Variants in NEBL observed in about 807,000 individuals in gnomAD.
The protein encoded by NEBL is LIM and SH3 protein 2.
A neutral mutation model predicts 140.2 loss-of-function variants in NEBL; 122 were observed. The ratio of observed to expected loss-of-function variants is 0.87; its 90% CI spans 0.75 to 1.01. The LOEUF is 1.01. NEBL is among the 50% of genes least tolerant of loss of function. The probability of loss-of-function intolerance (pLI) is 0.00; values close to 1 mark genes in which losing one functional copy is unlikely to be tolerated. For synonymous variants in NEBL, 436 were observed against 398.9 expected (o/e 1.09, Z -1.11); for missense variants, 1,365 against 1,231.3 (o/e 1.11, Z -1.62).
At chr10:21,244,618 C>G (rs1369653371) in intron 3 of NEBL, among the ~76,000 whole-genome samples, 4 of 151,750 alleles carry the variant, frequency 2.6e-5, no homozygotes, top group African/African-American at 9.7e-5. Context: ...CACCACTGCA[C>G]TCCAGCCTGG....
In NEBL at chr10:21,076,444, CAAAAAAAAAAAAAAAAA is replaced by C. The variant is rs56013237; in HGVS notation, c.165-56260_165-56244del. 1.1e-3 allele frequency among the ~76,000 whole-genome samples: 55 copies of C among 50,070 alleles called. No homozygotes were observed. The East Asian group carries it at 0.026, about 24-fold the overall frequency. The allele number at this position is 50,070 out of a possible 152,430, so 32.8% of individuals were successfully genotyped here. A position where few individuals can be genotyped will look rare whatever the true frequency, so the allele number is the denominator to read the frequency against. On this transcript the variant is annotated intron_variant, in intron 2 of 6. Coordinates refer to the NEBL transcript ENST00000417816. ...TGGGCAACAGAGAGAGACTCAGTTTCAAAAAAAAAAAAAAAAAAAAAAAAAAAAAAGAATTACCACAC... is the reference window on the plus strand; with the variant it reads ...TGGGCAACAGAGAGAGACTCAGTTTCAAAAAAAAAAAAAGAATTACCACAC...
chr10:21,227,722 T>TCTTCTTCTTCTTCTTC, intron 3 of NEBL, among the ~76,000 whole-genome samples: 1 of 103,666 alleles, frequency 9.6e-6, no homozygotes, highest in Admixed American at 9.2e-5. Flanking sequence ...TTCTTCTTCT[T>TCTTCTTCTTCTTCTTC]CTTCTTCTTC....
intron 2 of NEBL, among the ~76,000 whole-genome samples, chr10:21,160,910 G>C (rs1217399838): frequency 6.6e-6 from 1 of 151,198 alleles, no homozygotes; most frequent in Non-Finnish European, 1.5e-5. Context: ...TATATGGTCT[G>C]ATGTCTCAAA....
At chr10:21,189,558 G>A (rs540909457) in intron 3 of NEBL, among the ~76,000 whole-genome samples, 27 of 152,150 alleles carry the variant, frequency 1.8e-4, no homozygotes, top group East Asian at 1.7e-3. Context: ...TCTGCCTCCC[G>A]GGTTCCCGCC....
rs184515083 is a variant in NEBL, at chr10:21,129,601, T to C, written c.164+42782A>G. The stretch of plus-strand genomic sequence containing the variant: ...GACAAAAAGGAATGAGAGGGAGGAA[T>C]TAGAAGAATTAGAATTATTTTATTA... On this transcript the variant is annotated intron_variant, in intron 2 of 6. Transcript: ENST00000417816. Among the ~76,000 whole-genome samples the C allele has an allele frequency of 2.0e-5, 3 of 152,064 alleles. No homozygotes were observed. The East Asian group carries it at 5.8e-4, about 29-fold the overall frequency.
At chr10:20,785,980 T>A (rs1835374435) in intron 27 of NEBL, 57 bp from the exon 28 acceptor site, 1 of 1,533,716 alleles carries the variant, frequency 6.5e-7, no homozygotes. Context: ...AGCCACAAAT[T>A]CCAATCACAA....
At chr10:20,870,371 G>T (rs1302794411) in intron 5 of NEBL, among the ~76,000 whole-genome samples, 3 of 138,486 alleles carry the variant, frequency 2.2e-5, no homozygotes, top group Non-Finnish European at 4.7e-5. Flanking sequence ...TGCTACCTAA[G>T]AAATAAGACT....
chr10:21,263,409 G>A (rs894400379), intron 1 of NEBL, among the ~76,000 whole-genome samples: 14 of 152,056 alleles, frequency 9.2e-5, no homozygotes, highest in Admixed American at 2.0e-4. Context: ...GGGGCGGGGG[G>A]TTGAGATCAA....
chr10:21,147,257 T>A (rs551085170), intron 2 of NEBL, among the ~76,000 whole-genome samples: 1 of 152,076 alleles, frequency 6.6e-6, no homozygotes, highest in African/African-American at 2.4e-5. Flanking sequence ...CAAGGTCTCA[T>A]TGCACGTTAG....
rs1315190803 is a variant in NEBL at position 20,835,500 on chromosome 10, G to A, written c.1449+13C>T. The A allele has an allele frequency of 1.1e-5, 17 of 1,578,156 alleles. 1 individual carries two copies. Among genetic ancestry groups the A allele is most frequent in the South Asian group, 6.6e-5 (6 of 90,444 alleles). ...ATATGAGTCTTAAGGCCTGCATCACGCACCCTACTAACCTCACTCGCTATC... is the reference window on the plus strand; with the variant it reads ...ATATGAGTCTTAAGGCCTGCATCACACACCCTACTAACCTCACTCGCTATC... On this transcript the variant is annotated intron_variant, in intron 14 of 27. Transcript: ENST00000377122.
chr10:20,901,246 T>C (rs909919213), upstream of NEBL, among the ~76,000 whole-genome samples: 8 of 152,302 alleles, frequency 5.3e-5, no homozygotes, highest in Non-Finnish European at 1.2e-4. Context: ...AGAAGTCTTC[T>C]GATCTTTTGA....
At chr10:20,986,920 G>T (rs1837278101) in intron 3 of NEBL, among the ~76,000 whole-genome samples, 2 of 152,144 alleles carry the variant, frequency 1.3e-5, no homozygotes, top group South Asian at 2.1e-4. Flanking sequence ...ATGGGGAATT[G>T]TTAGCACAGA....
rs138110708 is a variant in NEBL at position 20,807,897 on chromosome 10, G to C, written c.2761+613C>G. Among the ~76,000 whole-genome samples, 353 of 151,428 alleles carry C rather than the reference G, an allele frequency of 2.3e-3. 2 individuals are homozygous for C. Among genetic ancestry groups the C allele is most frequent in the African/African-American group, 8.3e-3 (342 of 41,192 alleles). On this transcript the variant is annotated intron_variant, in intron 26 of 27. Transcript: ENST00000377122. ...AGTTCTAGGCTTAATCCATCAGCCT[G>C]GATACAGAAAACAGAAGATACAGGA...
At chr10:21,040,013 A>G (rs1834197516) in intron 2 of NEBL, among the ~76,000 whole-genome samples, 1 of 152,210 alleles carries the variant, frequency 6.6e-6, no homozygotes, top group Non-Finnish European at 1.5e-5. Context: ...TATTTTTGAA[A>G]TACCAACTGT....
At chr10:21,201,672 TTAAC>T (rs1271744335) in intron 3 of NEBL, among the ~76,000 whole-genome samples, 1 of 152,198 alleles carries the variant, frequency 6.6e-6, no homozygotes, top group East Asian at 1.9e-4. Context: ...TTCCTATTAA[TTAAC>T]TGACACACCT....
intron 1 of NEBL, among the ~76,000 whole-genome samples, chr10:21,278,085 C>G (rs1421739118): frequency 6.6e-6 from 1 of 152,206 alleles, no homozygotes; most frequent in Non-Finnish European, 1.5e-5. Context: ...TGGGAAACGC[C>G]AGCACCACAG....
chr10:21,219,036 A>G (rs1842034039), intron 3 of NEBL, among the ~76,000 whole-genome samples: 1 of 152,178 alleles, frequency 6.6e-6, no homozygotes, highest in Non-Finnish European at 1.5e-5. Context: ...TTTGATTCTC[A>G]TTGCCTTCAG....
chr10:21,060,232 C>T (rs923566161), intron 2 of NEBL, among the ~76,000 whole-genome samples: 1 of 152,160 alleles, frequency 6.6e-6, no homozygotes, highest in Non-Finnish European at 1.5e-5. Flanking sequence ...GCTACCACTC[C>T]CCACAGCACA....
intron 26 of NEBL, among the ~76,000 whole-genome samples, chr10:20,796,575 G>A (rs1319180394): frequency 1.3e-5 from 2 of 152,016 alleles, no homozygotes; most frequent in Non-Finnish European, 2.9e-5. Context: ...GTCTGCAAAT[G>A]TTCTGACAGA....
Sources: gnomAD v4.1 joint callset for allele counts (sites outside exome capture counted in the v4.1 genomes callset) on GRCh38, gnomAD v4.1.1 for gene constraint, MANE v1.5 for transcripts, NCBI Gene and HGNC (gene_info 2026-07-23, HGNC 2026-07-21) for gene names.